FMN2: variants seen among roughly 807,000 people sequenced by gnomAD.
The protein encoded by FMN2 is formin-2.
A neutral mutation model predicts 142.3 loss-of-function variants in FMN2; 51 were observed. The ratio of observed to expected loss-of-function variants is 0.36; its 90% confidence interval spans 0.29 to 0.45. FMN2 has a LOEUF of 0.45. Ranked by LOEUF, FMN2 falls within the 20% of genes least tolerant of loss-of-function variation. The probability of loss-of-function intolerance (pLI) is 1.00; values close to 1 mark genes in which losing one functional copy is unlikely to be tolerated. For synonymous variants in FMN2, 882 were observed against 869.8 expected, an observed-to-expected ratio of 1.01 and a Z score of -0.25; for missense variants, 1,936 against 2,122.8, an observed-to-expected ratio of 0.91 and a Z score of 1.73.
Position 240,121,542 on chromosome 1 carries a change from A to AT in FMN2, c.1616-1629dup, listed in dbSNP as rs551217312. ...AGGCGCTGGCCACCAAGCCTGGCTAATTTTTTTTGTTTTGTTTTTTGTATT... is the reference window on the plus strand; with the variant it reads ...AGGCGCTGGCCACCAAGCCTGGCTAATTTTTTTTTGTTTTGTTTTTTGTATT... On this transcript the variant is annotated intron_variant, in intron 1 of 17. Coordinates refer to ENST00000319653, the MANE Select transcript of FMN2 (RefSeq NM_020066.5). Among the ~76,000 whole-genome samples the AT allele has an allele frequency of 2.7e-5, 4 of 150,342 alleles. No homozygotes were observed. In the South Asian group the frequency reaches 6.4e-4, roughly 24 times the overall value.
At chr1:240,317,492 C>T (rs530251655) in intron 8 of FMN2, among the ~76,000 whole-genome samples, 7 of 152,144 alleles carry the variant, frequency 4.6e-5, no homozygotes, top group Admixed American at 1.3e-4. Flanking sequence ...TGGAATCATA[C>T]GGTATATAAC....
At chr1:240,116,865 G>T (rs946258514) in intron 1 of FMN2, among the ~76,000 whole-genome samples, 8 of 152,156 alleles carry the variant, frequency 5.3e-5, no homozygotes, top group Non-Finnish European at 1.0e-4. Flanking sequence ...AGGAGGGAGA[G>T]GTAGCAAACG....
chr1:240,179,639 T>C (rs1665071528), intron 3 of FMN2: 1 of 152,318 alleles, frequency 6.6e-6, no homozygotes, highest in Non-Finnish European at 1.5e-5. Context: ...ACCTCTAACA[T>C]GATAGCACCT....
chr1:240,472,152 T>C (rs1292738020), intron 16 of FMN2: 5 of 478,190 alleles, frequency 1.0e-5, no homozygotes, highest in Non-Finnish European at 1.8e-5. Flanking sequence ...CATTCAATCA[T>C]ACTATGATTC....
chr1:240,296,096 G>T (rs1482075793), intron 8 of FMN2, among the ~76,000 whole-genome samples: 1 of 152,030 alleles, frequency 6.6e-6, no homozygotes, highest in Non-Finnish European at 1.5e-5. Context: ...AGCTAGTGTT[G>T]TGATATAGCT....
chr1:240,217,520 A>T (rs550378138), intron 6 of FMN2, among the ~76,000 whole-genome samples: 1 of 152,334 alleles, frequency 6.6e-6, no homozygotes, highest in Non-Finnish European at 1.5e-5. Context: ...GTAACTTTTA[A>T]CATCTGCTTT....
Position 240,123,237 on chromosome 1 carries a change from A to T in FMN2, c.1674A>T (p.Ala558=), listed in dbSNP as rs764420407. The part of the protein sequence containing the change: ...SQQENGPPEE[A]EKFCSRIIAM... ...AGGAGAACGGGCCTCCAGAAGAAGCAGAGAAGTTTTGCTCCCGGATCATTG... is the reference window on the plus strand; with the variant it reads ...AGGAGAACGGGCCTCCAGAAGAAGCTGAGAAGTTTTGCTCCCGGATCATTG... Residue 558 remains alanine (A), a synonymous_variant, in exon 2 of 18, where the codon GCA becomes GCT. Coordinates refer to ENST00000319653, the MANE Select transcript of FMN2 (RefSeq NM_020066.5). 1 of 1,614,180 alleles carries T rather than the reference A, an allele frequency of 6.2e-7. No individual in the cohort carries two copies. Among genetic ancestry groups the T allele is most frequent in the South Asian group, 1.1e-5 (1 of 91,074 alleles).
chr1:240,445,554 T>C (rs879724671), intron 16 of FMN2, among the ~76,000 whole-genome samples: 2 of 152,116 alleles, frequency 1.3e-5, no homozygotes, highest in Admixed American at 1.3e-4. Flanking sequence ...TTCACGGCAA[T>C]GTGGCAGGAA....
intron 5 of FMN2, 98 bp from the exon 6 acceptor site, chr1:240,210,990 CCTG>C (rs1666668933): frequency 3.8e-6 from 4 of 1,057,178 alleles, no homozygotes. Flanking sequence ...CTCCTTCCCT[CCTG>C]CTGGCCTTCC....
chr1:240,388,862 C>CAAA (rs1332625932), intron 14 of FMN2, among the ~76,000 whole-genome samples: 1 of 44,478 alleles, frequency 2.2e-5, no homozygotes, highest in Non-Finnish European at 4.8e-5. Flanking sequence ...AACTCCATCT[C>CAAA]AAAAAAAAAA....
At chr1:240,239,231 G>T (rs1667809953) in intron 6 of FMN2, among the ~76,000 whole-genome samples, 1 of 152,188 alleles carries the variant, frequency 6.6e-6, no homozygotes, top group Non-Finnish European at 1.5e-5. Flanking sequence ...TGTCTTCAGG[G>T]ATAGGAATAA....
intron 3 of FMN2, among the ~76,000 whole-genome samples, chr1:240,187,631 GA>G (rs1244390476): frequency 4.6e-5 from 7 of 152,178 alleles, no homozygotes; most frequent in Non-Finnish European, 1.0e-4. Context: ...AGAAATCCCT[GA>G]CTTGGTTATG....
chr1:240,259,505 T>A (rs1668554879), intron 7 of FMN2, among the ~76,000 whole-genome samples: 2 of 150,722 alleles, frequency 1.3e-5, no homozygotes, highest in Non-Finnish European at 3.0e-5. Flanking sequence ...TTTTTTTTTT[T>A]AATATGGTGG....
intron 2 of FMN2, among the ~76,000 whole-genome samples, chr1:240,162,950 T>C (rs948378131): frequency 2.0e-5 from 3 of 152,228 alleles, no homozygotes; most frequent in African/African-American, 7.2e-5. Flanking sequence ...ATTTATATTA[T>C]CCTTCATTTA....
rs372548759 is a variant in FMN2, at chr1:240,325,835, C to T, written c.4216-3241C>T. Among the ~76,000 whole-genome samples, 24 of 152,296 alleles carry T rather than the reference C, an allele frequency of 1.6e-4. 1 individual carries two copies. The South Asian group carries it at 4.4e-3, about 28-fold the overall frequency. On this transcript the variant is annotated intron_variant, in intron 8 of 17. Coordinates refer to ENST00000319653, the MANE Select transcript of FMN2 (RefSeq NM_020066.5). ...CTGGCTAGTGTTTCTGAGCACAAGA[C>T]GGCTGTGATGTACCTGATGGGGAAA...
intron 7 of FMN2, 39 bp from the exon 8 acceptor site, chr1:240,294,783 T>C (rs765053933): frequency 1.3e-6 from 2 of 1,597,824 alleles, no homozygotes; most frequent in South Asian, 1.1e-5. Context: ...TTTTCACAGG[T>C]GGCTTATGGC....
Position 240,108,058 on chromosome 1 carries a change from C to G in FMN2, c.1615+14334C>G, listed in dbSNP as rs10926126. Among the ~76,000 whole-genome samples, 1,207 of 152,256 alleles carry G rather than the reference C, an allele frequency of 7.9e-3. 20 individuals are homozygous for G. Among genetic ancestry groups the G allele is most frequent in the African/African-American group, 0.028 (1,160 of 41,542 alleles). On this transcript the variant is annotated intron_variant, in intron 1 of 17. Coordinates refer to ENST00000319653, the MANE Select transcript of FMN2 (RefSeq NM_020066.5). ...TAAGAGGATCTTCCTGTAAGAGTGT[C>G]TAAATCAAAGGTGTACCTGGATTCA...
At chr1:240,449,318 G>C (rs1675927383) in intron 16 of FMN2, among the ~76,000 whole-genome samples, 1 of 152,076 alleles carries the variant, frequency 6.6e-6, no homozygotes, top group Admixed American at 6.6e-5. Flanking sequence ...TCTGCTTACT[G>C]ACACTGGGCC....
chr1:240,436,401 G>A (rs537765955), intron 15 of FMN2, among the ~76,000 whole-genome samples: 52 of 152,316 alleles, frequency 3.4e-4, no homozygotes, highest in African/African-American at 1.2e-3. Flanking sequence ...TAAACACAGA[G>A]CAGATTAGTC....
Sources: allele counts gnomAD v4.1 joint callset (sites outside exome capture counted in the v4.1 genomes callset), GRCh38; gene constraint gnomAD v4.1.1; transcripts MANE v1.5; gene names NCBI Gene and HGNC (gene_info 2026-07-23, HGNC 2026-07-21).